The following FOXP2 variants were observed in gnomAD, a reference collection of about 807,000 sequenced individuals.
FOXP2 encodes forkhead box protein P2.
In FOXP2, 12 loss-of-function variants were observed where a neutral mutation model predicts 115.8. The observed-to-expected ratio is 0.10, with a 90% confidence interval of 0.07 to 0.17. The LOEUF is 0.17. FOXP2 is among the 10% of genes least tolerant of loss of function. The pLI, the probability that FOXP2 is intolerant of heterozygous loss-of-function variation, is 1.00. For synonymous variants in FOXP2, 328 were observed against 297.7 expected (o/e 1.10, Z -1.05); for missense variants, 629 against 843.5 (o/e 0.75, Z 3.15).
chr7:114,378,010 C>T (rs1268510673), intron 2 of FOXP2, among the ~76,000 whole-genome samples: 1 of 152,162 alleles, frequency 6.6e-6, no homozygotes, highest in African/African-American at 2.4e-5. Context: ...TCATCTTTCT[C>T]AGTTTATCCT....
chr7:114,381,116 G>A (rs1792280913), intron 2 of FOXP2, among the ~76,000 whole-genome samples: 2 of 152,322 alleles, frequency 1.3e-5, no homozygotes, highest in African/African-American at 4.8e-5. Flanking sequence ...TGTCATACCT[G>A]TGAATCCATA....
At chr7:114,325,695 T>C (rs929330428) in intron 2 of FOXP2, among the ~76,000 whole-genome samples, 13 of 151,950 alleles carry the variant, frequency 8.6e-5, no homozygotes, top group African/African-American at 2.9e-4. Flanking sequence ...TGGAGGAAAA[T>C]AATAAAGCTA....
chr7:114,261,784 G>A (rs1795759400), intron 1 of FOXP2, among the ~76,000 whole-genome samples: 1 of 152,050 alleles, frequency 6.6e-6, no homozygotes, highest in Non-Finnish European at 1.5e-5. Flanking sequence ...AAGTACATTG[G>A]CCTTATTCTC....
At chr7:114,253,705 C>T (rs199551497) in intron 1 of FOXP2, among the ~76,000 whole-genome samples, 1 of 151,976 alleles carries the variant, frequency 6.6e-6, no homozygotes, top group Non-Finnish European at 1.5e-5. Context: ...TGAGATGGGT[C>T]TCCTGAATAC....
Position 114,117,288 on chromosome 7 carries a change from C to T in FOXP2, c.-247+29450C>T, listed in dbSNP as rs917682417. On this transcript the variant is annotated intron_variant, in intron 1 of 19. Coordinates refer to the FOXP2 transcript ENST00000635638. ...CCAGGGTGGAGTGCAGTGGTGTGATCTCAGCTCACTGCAATCTCTGCTTCC... is the reference window on the plus strand; with the variant it reads ...CCAGGGTGGAGTGCAGTGGTGTGATTTCAGCTCACTGCAATCTCTGCTTCC... 4.0e-5 allele frequency among the ~76,000 whole-genome samples: 6 copies of T among 149,652 alleles called. No homozygotes were observed. The East Asian group carries it at 1.2e-3, about 30-fold the overall frequency.
intron 3 of FOXP2, among the ~76,000 whole-genome samples, chr7:114,605,278 T>C (rs1342932303): frequency 6.6e-6 from 1 of 152,176 alleles, no homozygotes; most frequent in East Asian, 1.9e-4. Context: ...ATCTTACTCA[T>C]TTTCATTTCT....
chr7:114,199,142 A>C (rs1793991705), intron 1 of FOXP2, among the ~76,000 whole-genome samples: 1 of 152,122 alleles, frequency 6.6e-6, no homozygotes, highest in South Asian at 2.1e-4. Flanking sequence ...TTGGCCTTCC[A>C]AAGTGCTGAG....
At chr7:114,558,225 T>C (rs1800565270) in intron 3 of FOXP2, among the ~76,000 whole-genome samples, 1 of 152,204 alleles carries the variant, frequency 6.6e-6, no homozygotes, top group South Asian at 2.1e-4. Flanking sequence ...AGGTAGAGTT[T>C]ATAGAAACAA....
chr7:114,196,196 G>A (rs949688746), intron 1 of FOXP2, among the ~76,000 whole-genome samples: 3 of 151,654 alleles, frequency 2.0e-5, no homozygotes, highest in East Asian at 1.9e-4. Context: ...ATTTTTAGTA[G>A]AGACTGGGTT....
intron 8 of FOXP2, among the ~76,000 whole-genome samples, chr7:114,651,998 G>A (rs751380881): frequency 3.1e-4 from 47 of 152,060 alleles, no homozygotes; most frequent in Non-Finnish European, 5.3e-4. Flanking sequence ...GACATTTTCT[G>A]CCATTTGAAG....
chr7:114,402,064 G>A (rs1792899450), intron 2 of FOXP2, among the ~76,000 whole-genome samples: 1 of 152,212 alleles, frequency 6.6e-6, no homozygotes, highest in Non-Finnish European at 1.5e-5. Flanking sequence ...AGAGGTTGCA[G>A]TGAGCTGAGA....
At chr7:114,560,234 A>G (rs1200554390) in intron 3 of FOXP2, among the ~76,000 whole-genome samples, 2 of 152,154 alleles carry the variant, frequency 1.3e-5, no homozygotes. Context: ...CCGTTTTTAC[A>G]TATTAAGTTG....
intron 1 of FOXP2, among the ~76,000 whole-genome samples, chr7:114,208,226 T>C (rs1794250133): frequency 6.6e-6 from 1 of 152,190 alleles, no homozygotes; most frequent in Non-Finnish European, 1.5e-5. Context: ...CAGTATGACC[T>C]GGATGTGCGA....
chr7:114,542,776 T>G (rs1035819484), intron 3 of FOXP2, among the ~76,000 whole-genome samples: 6 of 147,992 alleles, frequency 4.1e-5, no homozygotes, highest in African/African-American at 1.5e-4. Flanking sequence ...AATTTTTTTG[T>G]TTTTGTTTTT....
At chr7:114,152,827 T>C (rs1051086748) in intron 1 of FOXP2, among the ~76,000 whole-genome samples, 1 of 152,088 alleles carries the variant, frequency 6.6e-6, no homozygotes, top group African/African-American at 2.4e-5. Flanking sequence ...AGCTACTGAA[T>C]GCCATGTGGG....
intron 3 of FOXP2, among the ~76,000 whole-genome samples, chr7:114,588,134 C>A (rs1802244013): frequency 6.6e-6 from 1 of 151,328 alleles, no homozygotes; most frequent in Non-Finnish European, 1.5e-5. Flanking sequence ...ATGGTGAGAC[C>A]CCATCTCTAC....
At chr7:114,122,821 T>C (rs907562011) in intron 1 of FOXP2, among the ~76,000 whole-genome samples, 1 of 151,796 alleles carries the variant, frequency 6.6e-6, no homozygotes, top group Admixed American at 6.6e-5. Context: ...TTTTAAGGAG[T>C]GGTAGGGGAT....
At chr7:114,358,271 G>C (rs572826484) in intron 2 of FOXP2, among the ~76,000 whole-genome samples, 1 of 152,126 alleles carries the variant, frequency 6.6e-6, no homozygotes, top group Non-Finnish European at 1.5e-5. Flanking sequence ...GGCCTCCCCA[G>C]CCATGTGGAA....
chr7:114,314,275 A>G (rs896130454), intron 2 of FOXP2, among the ~76,000 whole-genome samples: 5 of 149,728 alleles, frequency 3.3e-5, no homozygotes, highest in African/African-American at 1.2e-4. Context: ...TATATAATAT[A>G]TATAATATAT....
Sources: allele counts gnomAD v4.1 joint callset (sites outside exome capture counted in the v4.1 genomes callset), GRCh38; gene constraint gnomAD v4.1.1; transcripts MANE v1.5; gene names NCBI Gene and HGNC (gene_info 2026-07-23, HGNC 2026-07-21).